The following POU6F1 variants were observed in gnomAD, a reference collection of about 807,000 sequenced individuals.
The protein encoded by POU6F1 is POU domain, class 6, transcription factor 1.
POU6F1 carries 9 observed loss-of-function variants against 28.9 expected under a neutral mutation model. That is an observed-to-expected ratio of 0.31 (90% confidence interval 0.19 to 0.54). The LOEUF (loss-of-function observed/expected upper bound fraction) is 0.54. Among genes scored for constraint, POU6F1 ranks in the 20% least tolerant of loss-of-function variants. The probability of loss-of-function intolerance (pLI) is 0.94; values close to 1 mark genes in which losing one functional copy is unlikely to be tolerated. For synonymous variants in POU6F1, 173 were observed against 171.1 expected (o/e 1.01, Z -0.09); for missense variants, 338 against 426.1 (o/e 0.79, Z 1.82).
intron 8 of POU6F1, among the ~76,000 whole-genome samples, chr12:51,193,605 A>G (rs1434193635): frequency 1.3e-5 from 2 of 152,230 alleles, no homozygotes; most frequent in African/African-American, 2.4e-5. Flanking sequence ...TTAAAAAAAA[A>G]GAAAATCAGT....
At chr12:51,193,198 T>G (rs908795544) in intron 8 of POU6F1, among the ~76,000 whole-genome samples, 2 of 152,216 alleles carry the variant, frequency 1.3e-5, no homozygotes, top group African/African-American at 4.8e-5. Context: ...AACTGGCAGA[T>G]GGCTTTTGGT....
chr12:51,200,162 A>G (rs116552002), intron 3 of POU6F1, among the ~76,000 whole-genome samples: 8,166 of 152,244 alleles, frequency 0.054, 712 homozygotes, highest in African/African-American at 0.18. Flanking sequence ...GTTAGCCCTC[A>G]TTTCCTGGCC....
intron 7 of POU6F1, 117 bp downstream of exon 7, chr12:51,196,682 G>T: frequency 1.5e-6 from 2 of 1,290,840 alleles, no homozygotes; most frequent in Non-Finnish European, 2.2e-6. Context: ...GAGGAGATAG[G>T]AACAACAGCT....
intron 8 of POU6F1, among the ~76,000 whole-genome samples, chr12:51,195,607 A>T (rs1942760651): frequency 6.6e-6 from 1 of 152,156 alleles, no homozygotes; most frequent in Admixed American, 6.5e-5. Flanking sequence ...GGGTAGAGGA[A>T]TGGGGTACAG....
At chr12:51,200,158 C>A (rs773834864) in intron 3 of POU6F1, among the ~76,000 whole-genome samples, 2 of 152,132 alleles carry the variant, frequency 1.3e-5, no homozygotes, top group Non-Finnish European at 2.9e-5. Context: ...GAGTGTTAGC[C>A]CTCATTTCCT....
rs769567569 is a variant in POU6F1 at position 51,192,337 on chromosome 12, C to T, written c.1314G>A (p.Leu438=). ...TCSETPTVSQ[L]VSKPHTPSLD... is the part of the protein sequence containing the mutation. ...TCTCCAGGAGCCACTTACTGGACAC[C>T]AACTGGCTGACGGTGGGGGTCTCTG... Residue 438 remains leucine (L), a synonymous_variant, in exon 9 of 11, where the codon TTG becomes TTA. Coordinates refer to ENST00000333640, the MANE Select transcript of POU6F1 (RefSeq NM_001330422.2). 6.8e-6 allele frequency: 11 copies of T among 1,613,928 alleles called. No homozygotes were observed. Among genetic ancestry groups the T allele is most frequent in the East Asian group, 2.2e-5 (1 of 44,900 alleles).
At chr12:51,197,651 T>C in intron 6 of POU6F1, 119 bp downstream of exon 6, 1 of 382,846 alleles carries the variant, frequency 2.6e-6, no homozygotes. Context: ...TCTGCTGATG[T>C]GTTGGAAAAG....
chr12:51,190,221 T>C lies in POU6F1; in HGVS notation c.*26A>G, dbSNP rs1565596981. On this transcript the variant is annotated 3_prime_UTR_variant, in exon 11 of 11. Transcript: ENST00000333640. This position sits in a 1 kb window ranked among gnomAD's most constrained non-coding sequence, Gnocchi z 4.5. Reference sequence around the variant, plus strand: ...ATGCCACGGGAAATGGACAAAGTGCTAGAACACAGGGCCAGGGGCTGAGCC... The same window carrying C: ...ATGCCACGGGAAATGGACAAAGTGCCAGAACACAGGGCCAGGGGCTGAGCC... 2.5e-6 allele frequency: 4 copies of C among 1,609,780 alleles called. No individual in the cohort carries two copies. In the East Asian group the frequency reaches 8.9e-5, roughly 36 times the overall value.
intron 1 of POU6F1, among the ~76,000 whole-genome samples, chr12:51,216,088 C>T (rs192245367): frequency 1.0e-3 from 152 of 152,258 alleles, no homozygotes; most frequent in African/African-American, 3.5e-3. Flanking sequence ...GAGGCCAAGA[C>T]GGTTGGATTG....
Position 51,196,896 on chromosome 12 carries a change from T to C in POU6F1, c.878A>G (p.Gln293Arg), listed in dbSNP as rs1392489380. 1 of 1,609,978 alleles carries C rather than the reference T, an allele frequency of 6.2e-7. No homozygotes were observed. Among genetic ancestry groups the C allele is most frequent in the African/African-American group, 1.3e-5 (1 of 74,964 alleles). ...ISAASLGGQT[Q>R]ILGSLTTAPV... ...AGCTGTAGTGAGGGACCCCAGGATC[T>C]GGGTCTGTCCCCCGAGGGAAGCAGC... Residue 293 changes from glutamine to arginine, a missense_variant, in exon 7 of 11, where the codon CAG becomes CGG. Gln to Arg is a conservative substitution (Grantham distance 43, BLOSUM62 1). Around this residue, in one of 3 missense-constraint regions of POU6F1, gnomAD observed 206 missense variants for 225.6 expected, o/e 0.91. Coordinates refer to ENST00000333640, the MANE Select transcript of POU6F1 (RefSeq NM_001330422.2).
chr12:51,187,879 C>CA lies in POU6F1; in HGVS notation c.*2367dup, dbSNP rs1341474547. The CA allele has an allele frequency of 6.6e-6, 1 of 152,060 alleles. No homozygotes were observed. The highest frequency in any genetic ancestry group is 2.4e-5 in the African/African-American group (1 of 41,394). 9.4% of individuals were successfully genotyped at this position (152,060 alleles called of 1,614,324 possible). On this transcript the variant is annotated 3_prime_UTR_variant, in exon 11 of 11. Transcript: ENST00000333640. ...CCAGCTGTGACCCATTTGTCTCTCT[C>CA]AAAAAAGAAAGCATACCTGAATGCA...
Position 51,190,510 on chromosome 12 carries a change from G to A in POU6F1, c.1573C>T (p.Arg525Trp), listed in dbSNP as rs760174579. ...AGGTTCTGCTGGCCTTCCTGGTTCC[G>A]CAGTTCAGCTTCGTTTAGCCACTTT... The part of the protein sequence containing the change: ...LEKWLNEAEL[R>W]NQEGQQNLME... Residue 525 changes from arginine to tryptophan, a missense_variant, in exon 11 of 11, where the codon CGG becomes TGG. Around this residue, in one of 3 missense-constraint regions of POU6F1, gnomAD observed 126 missense variants for 176.5 expected, o/e 0.71. Transcript: ENST00000333640. This position sits in a 1 kb window ranked among gnomAD's most constrained non-coding sequence, Gnocchi z 4.5. 36 of 1,614,008 alleles carry A rather than the reference G, an allele frequency of 2.2e-5. No homozygotes were observed. The highest frequency in any genetic ancestry group is 2.6e-5 in the Non-Finnish European group (31 of 1,180,030).
At chr12:51,208,657 G>C (rs766718764) in intron 1 of POU6F1, among the ~76,000 whole-genome samples, 22 of 152,132 alleles carry the variant, frequency 1.4e-4, no homozygotes, top group Non-Finnish European at 3.1e-4. Flanking sequence ...TGGGATTAGT[G>C]CCCATATAAA....
In POU6F1 at chr12:51,192,489, A is replaced by C; in HGVS notation, c.1180-18T>G. 2.5e-6 allele frequency: 4 copies of C among 1,610,316 alleles called. No individual in the cohort carries two copies. The highest frequency in any genetic ancestry group is 3.4e-6 in the Non-Finnish European group (4 of 1,178,292). ...GGCTGCACCTGTGAAAGGACAGACA[A>C]CAAGCCTTTGCTGCCCTCTGCCAGG... On this transcript the variant is annotated intron_variant, in intron 8 of 10. Transcript: ENST00000333640.
intron 7 of POU6F1, among the ~76,000 whole-genome samples, chr12:51,196,517 G>A (rs896335176): frequency 2.0e-5 from 3 of 152,216 alleles, no homozygotes; most frequent in African/African-American, 7.2e-5. Flanking sequence ...GTACTCCAAA[G>A]AAAGTGAGAT....
chr12:51,189,960 G>A lies in POU6F1; in HGVS notation c.*287C>T. ...GTTCCCCACCAGAATTCACCCTTCA[G>A]AAACCATGCTAGCAAGGTGCTTCTC... is the stretch of plus-strand genomic sequence containing the variant. On this transcript the variant is annotated 3_prime_UTR_variant, in exon 11 of 11. Transcript: ENST00000333640. 1 of 434,554 alleles carries A rather than the reference G, an allele frequency of 2.3e-6. No homozygotes were observed. Among genetic ancestry groups the A allele is most frequent in the East Asian group, 4.5e-5 (1 of 22,048 alleles). The allele number at this position is 434,554 out of a possible 1,614,324, so 26.9% of individuals were successfully genotyped here. A position where few individuals can be genotyped will look rare whatever the true frequency, so the allele number is the denominator to read the frequency against.
At chr12:51,194,081 C>T (rs1942637457) in intron 8 of POU6F1, among the ~76,000 whole-genome samples, 2 of 152,048 alleles carry the variant, frequency 1.3e-5, no homozygotes, top group Admixed American at 6.5e-5. Context: ...GGCTGGAGTG[C>T]AGTAGCATGA....
In POU6F1 at chr12:51,204,208, C is replaced by T. The variant is rs554775647; in HGVS notation, c.209G>A (p.Gly70Glu). ...AEASQAAGEA[G>E]PDNLGSSAEA... ...TGCAGAGGAGCCCAGGTTGTCTGGC[C>T]CAGCTTCACCAGCAGCTTGACTGGC... Residue 70 changes from glycine (G) to glutamate (E), a missense_variant, in exon 3 of 11, where the codon GGG becomes GAG. Physicochemically the swap from Gly to Glu is moderately conservative, Grantham distance 98 (BLOSUM62 -2). This residue lies in a region of POU6F1 where 206 missense variants were observed against 225.6 expected (regional missense o/e 0.91). Transcript: ENST00000333640. 2.5e-6 allele frequency: 1 copy of T among 399,174 alleles called. No homozygotes were observed. The highest frequency in any genetic ancestry group is 3.6e-5 in the East Asian group (1 of 28,080). The allele number at this position is 399,174 out of a possible 1,614,324, so 24.7% of individuals were successfully genotyped here.
rs879188132 is a variant in POU6F1 at position 51,190,416 on chromosome 12, A to G, written c.1667T>C (p.Ile556Thr). Reference sequence around the variant, plus strand: ...CTCAAAATAGGCATTGAGAGCCTCTATGGCCTGGGGGGTGAAGGAGGTGCG... The same window carrying G: ...CTCAAAATAGGCATTGAGAGCCTCTGTGGCCTGGGGGGTGAAGGAGGTGCG... ...KRRTSFTPQAIEALNAYFEKN... is the reference protein window; with the variant it reads ...KRRTSFTPQATEALNAYFEKN... The change falls in exon 11 of 11, where the codon ATA becomes ACA. Residue 556 changes from isoleucine (I) to threonine (T), a missense_variant. Around this residue, in one of 3 missense-constraint regions of POU6F1, gnomAD observed 126 missense variants for 176.5 expected, o/e 0.71. Transcript: ENST00000333640. The surrounding 1 kb of genome is among the most constrained non-coding windows in gnomAD (Gnocchi z 4.5). 1 of 1,614,050 alleles carries G rather than the reference A, an allele frequency of 6.2e-7. No homozygotes were observed.
Sources: allele counts gnomAD v4.1 joint callset (sites outside exome capture counted in the v4.1 genomes callset), GRCh38; gene constraint gnomAD v4.1.1; regional missense constraint gnomAD v4.1.1; non-coding constraint Gnocchi (gnomAD v3.1); transcripts MANE v1.5; gene names NCBI Gene and HGNC (gene_info 2026-07-23, HGNC 2026-07-21).